ANKRD36: variants seen among roughly 807,000 people sequenced by gnomAD.
ANKRD36 encodes the protein ankyrin repeat domain 36.
In ANKRD36, 179 loss-of-function variants were observed where a neutral mutation model predicts 278.1. The observed-to-expected ratio is 0.64, with a 90% confidence interval of 0.57 to 0.73. ANKRD36 has a LOEUF of 0.73. Among genes scored for constraint, ANKRD36 ranks in the 30% least tolerant of loss-of-function variants. The pLI is 0.00. For synonymous variants in ANKRD36, 320 were observed against 641.1 expected (o/e 0.50, Z 7.57); for missense variants, 1,159 against 1,956.7 (o/e 0.59, Z 7.69).
rs745849144 is a variant in ANKRD36 at position 97,204,043 on chromosome 2, A to G, written c.2960-25A>G. On this transcript the variant is annotated intron_variant, in intron 48 of 75. Transcript: ENST00000420699. ...ATTTTGTCATTTTTACATATGAGTG[A>G]TTAGGAATCCCTTTTACTTTTCAGT... is the stretch of plus-strand genomic sequence containing the variant. The G allele has an allele frequency of 1.7e-5, 26 of 1,561,736 alleles. No individual in the cohort carries two copies. In the Middle Eastern group the frequency reaches 9.1e-4, roughly 55 times the overall value.
chr2:97,232,205 T>C (rs1238597117), intron 67 of ANKRD36, among the ~76,000 whole-genome samples: 1 of 151,780 alleles, frequency 6.6e-6, no homozygotes, highest in East Asian at 2.0e-4. Context: ...ATAAAGTTAT[T>C]TTTAAAACAT....
Position 97,113,493 on chromosome 2 carries a change from A to C in ANKRD36, c.-247A>C, listed in dbSNP as rs1385511044. ...CACCTCCGCAGCAACCGCCGCCTGC[A>C]CTGGGCGCGCGAGAGCTGCTAGGGC... is the stretch of plus-strand genomic sequence containing the variant. On this transcript the variant is annotated 5_prime_UTR_variant, in exon 1 of 76. Transcript: ENST00000420699. 3.7e-6 allele frequency: 2 copies of C among 539,980 alleles called. No homozygotes were observed. Among genetic ancestry groups the C allele is most frequent in the African/African-American group, 3.9e-5 (2 of 51,310 alleles). The allele number at this position is 539,980 out of a possible 1,614,324, so 33.4% of individuals were successfully genotyped here. A position where few individuals can be genotyped will look rare whatever the true frequency, so the allele number is the denominator to read the frequency against.
chr2:97,170,896 G>A (rs574565415), intron 22 of ANKRD36, among the ~76,000 whole-genome samples: 17,882 of 147,846 alleles, frequency 0.12, 1,654 homozygotes, highest in Non-Finnish European at 0.18. Context: ...CGAAGGACAT[G>A]AACAGACACT....
chr2:97,182,007 G>T (rs1466542032), intron 26 of ANKRD36, among the ~76,000 whole-genome samples: 2 of 151,456 alleles, frequency 1.3e-5, no homozygotes, highest in East Asian at 3.9e-4. Flanking sequence ...TTGGGAAGAA[G>T]AAACGTTGGA....
chr2:97,201,349 G>GTT (rs1248101329), intron 46 of ANKRD36, among the ~76,000 whole-genome samples: 30 of 151,930 alleles, frequency 2.0e-4, no homozygotes, highest in African/African-American at 7.0e-4. Context: ...TGCCTACAAG[G>GTT]GTATTCTAGA....
At chr2:97,118,301 T>A (rs755972992) in intron 2 of ANKRD36, 43 bp from the exon 3 acceptor site, 83 of 1,611,548 alleles carry the variant, frequency 5.2e-5, no homozygotes, top group Non-Finnish European at 6.9e-5. Context: ...GTGTTTATTT[T>A]GATTTTTCAG....
intron 22 of ANKRD36, among the ~76,000 whole-genome samples, chr2:97,177,741 C>T (rs1179186062): frequency 1.3e-5 from 2 of 151,830 alleles, no homozygotes; most frequent in Non-Finnish European, 2.9e-5. Flanking sequence ...AAAACCTAGC[C>T]ATTACCATTC....
At chr2:97,209,905 A>T (rs548252466) in intron 56 of ANKRD36, 33 bp downstream of exon 56, 67 of 1,548,582 alleles carry the variant, frequency 4.3e-5, no homozygotes, top group Non-Finnish European at 5.0e-5. Flanking sequence ...TGTCATGTTC[A>T]GTCCAGATAG....
At chr2:97,145,710 T>G (rs2044080567) in intron 10 of ANKRD36, among the ~76,000 whole-genome samples, 1 of 152,094 alleles carries the variant, frequency 6.6e-6, no homozygotes, top group Non-Finnish European at 1.5e-5. Context: ...ACATTTTGAT[T>G]AGGTTTGTAT....
intron 56 of ANKRD36, among the ~76,000 whole-genome samples, chr2:97,210,182 G>A (rs1438751468): frequency 6.6e-6 from 1 of 151,764 alleles, no homozygotes; most frequent in Non-Finnish European, 1.5e-5. Context: ...CAGTAAGGGT[G>A]GAAGGATAAA....
chr2:97,155,070 G>T (rs1352523211), intron 15 of ANKRD36, among the ~76,000 whole-genome samples: 3 of 141,022 alleles, frequency 2.1e-5, no homozygotes, highest in Admixed American at 7.0e-5. Context: ...GCTTATCTGA[G>T]TAAGTGTTTT....
At chr2:97,220,051 C>CTGTGTGTG (rs71274689) in intron 66 of ANKRD36, among the ~76,000 whole-genome samples, 22 of 111,278 alleles carry the variant, frequency 2.0e-4, no homozygotes, top group Non-Finnish European at 3.5e-4. Context: ...GATTAGCACA[C>CTGTGTGTG]TGTGTGTGTG....
intron 32 of ANKRD36, among the ~76,000 whole-genome samples, chr2:97,188,386 T>C (rs2057869233): frequency 6.6e-6 from 1 of 151,566 alleles, no homozygotes; most frequent in Non-Finnish European, 1.5e-5. Flanking sequence ...AAATTGATAA[T>C]TGATGATATT....
intron 6 of ANKRD36, among the ~76,000 whole-genome samples, chr2:97,129,842 G>T (rs1303796995): frequency 1.3e-5 from 2 of 151,970 alleles, no homozygotes; most frequent in African/African-American, 2.4e-5. Context: ...CTCTGTTTTG[G>T]TACCAGTACC....
At chr2:97,129,297 C>T (rs542566848) in intron 6 of ANKRD36, among the ~76,000 whole-genome samples, 214 of 152,060 alleles carry the variant, frequency 1.4e-3, no homozygotes, top group Non-Finnish European at 2.4e-3. Context: ...TCATATCCTT[C>T]GCCCACTTTT....
chr2:97,203,946 A>G (rs559979947), intron 48 of ANKRD36, 122 bp from the exon 49 acceptor site: 3 of 1,439,000 alleles, frequency 2.1e-6, no homozygotes, highest in African/African-American at 1.5e-5. Context: ...CAAAATTAGA[A>G]GCCATCAAAG....
chr2:97,185,247 C>T lies in ANKRD36; in HGVS notation c.1940-69C>T. On this transcript the variant is annotated intron_variant, in intron 28 of 75. Transcript: ENST00000420699. ...AGGAGCATACAGCTTGATGCTAACA[C>T]TTCATGAATGTATAGATAACTTTAT... 3.9e-6 allele frequency: 6 copies of T among 1,556,646 alleles called. No individual in the cohort carries two copies. The South Asian group carries it at 5.6e-5, about 15-fold the overall frequency.
At chr2:97,195,519 G>C (rs1361881375) in intron 40 of ANKRD36, among the ~76,000 whole-genome samples, 3 of 152,004 alleles carry the variant, frequency 2.0e-5, no homozygotes, top group African/African-American at 7.2e-5. Flanking sequence ...GCAACTGCTG[G>C]AAGCAGGAAA....
At chr2:97,256,699 AT>A (rs2076276891) in intron 75 of ANKRD36, among the ~76,000 whole-genome samples, 1 of 137,632 alleles carries the variant, frequency 7.3e-6, no homozygotes, top group Admixed American at 7.9e-5. Flanking sequence ...TATCTATTTT[AT>A]TTATTTCCAC....
Sources: gnomAD v4.1 joint callset for allele counts (sites outside exome capture counted in the v4.1 genomes callset) on GRCh38, gnomAD v4.1.1 for gene constraint, MANE v1.5 for transcripts, NCBI Gene and HGNC (gene_info 2026-07-23, HGNC 2026-07-21) for gene names.